SORCS1: variants seen among roughly 807,000 people sequenced by gnomAD.
SORCS1 encodes the protein sortilin related VPS10 domain containing receptor 1.
In SORCS1, 60 loss-of-function variants were observed where a neutral mutation model predicts 146.1. The ratio of observed to expected loss-of-function variants is 0.41; its 90% CI spans 0.33 to 0.51. The LOEUF (loss-of-function observed/expected upper bound fraction) is 0.51, where lower values mean the gene tolerates loss of function less well. SORCS1 is among the 20% of genes least tolerant of loss of function. The pLI, the probability that SORCS1 is intolerant of heterozygous loss-of-function variation, is 0.21. For synonymous variants in SORCS1, 637 were observed against 584.0 expected, an observed-to-expected ratio of 1.09 and a Z score of -1.31; for missense variants, 1,352 against 1,487.6, an observed-to-expected ratio of 0.91 and a Z score of 1.50.
At chr10:106,963,155 G>C (rs1326434238) in intron 1 of SORCS1, among the ~76,000 whole-genome samples, 1 of 95,844 alleles carries the variant, frequency 1.0e-5, no homozygotes, top group Non-Finnish European at 2.0e-5. Flanking sequence ...TTGCTCTGTC[G>C]CCCAGGCTGG....
intron 23 of SORCS1, among the ~76,000 whole-genome samples, chr10:106,598,236 ATATTATTATTATTATTATTATTAT>A (rs10579142): frequency 7.1e-6 from 1 of 140,492 alleles, no homozygotes; most frequent in African/African-American, 2.6e-5. Context: ...CACTCCTATT[ATATTATTATTATTATTATTATTAT>A]TATTATTATT....
rs754142506 is a variant in SORCS1, at chr10:106,709,419, T to C, written c.1025-78A>G. 7.0e-5 allele frequency: 54 copies of C among 771,976 alleles called. 1 individual carries two copies. Among genetic ancestry groups the C allele is most frequent in the Non-Finnish European group, 1.1e-4 (51 of 474,698 alleles). 47.8% of individuals were successfully genotyped at this position (771,976 alleles called of 1,614,324 possible). A position where few individuals can be genotyped will look rare whatever the true frequency, so the allele number is the denominator to read the frequency against. On this transcript the variant is annotated intron_variant, in intron 6 of 25. Transcript: ENST00000263054. ...AGAGATTTACAGTCAGGGTGGACGT[T>C]TGATATTTCCCTTACCATTTCCAAT... is the stretch of plus-strand genomic sequence containing the variant.
intron 2 of SORCS1, among the ~76,000 whole-genome samples, chr10:106,879,696 G>C (rs967549819): frequency 4.6e-5 from 7 of 152,224 alleles, no homozygotes; most frequent in African/African-American, 1.7e-4. Flanking sequence ...TGAAGATGGA[G>C]AGGGCCAAGT....
intron 2 of SORCS1, among the ~76,000 whole-genome samples, chr10:106,927,449 A>C (rs966377889): frequency 1.3e-4 from 20 of 152,150 alleles, no homozygotes; most frequent in African/African-American, 4.6e-4. Flanking sequence ...TCATAAAGGC[A>C]GTGTGGACCC....
At chr10:106,859,465 C>T (rs1444956186) in intron 2 of SORCS1, among the ~76,000 whole-genome samples, 1 of 152,182 alleles carries the variant, frequency 6.6e-6, no homozygotes, top group African/African-American at 2.4e-5. Context: ...GCGATGTTGG[C>T]TCACTGCAAG....
At position 106,935,688 on chromosome 10, in the gene SORCS1, G is replaced by A. The variant is rs1182719875; in HGVS notation, c.626+20825C>T. On this transcript the variant is annotated intron_variant, in intron 2 of 25. Coordinates refer to ENST00000263054, the MANE Select transcript of SORCS1 (RefSeq NM_052918.5). ...AAATTCTTTTTCTTAAAAATGAGAA[G>A]ACCAAGATTCTATGAAATAAAACAA... 3.9e-5 allele frequency among the ~76,000 whole-genome samples: 6 copies of A among 152,300 alleles called. No homozygotes were observed. In the South Asian group the frequency reaches 8.3e-4, roughly 21 times the overall value.
the SORCS1 span, among the ~76,000 whole-genome samples, chr10:107,177,754 A>C: frequency 4.6e-5 from 7 of 152,214 alleles, no homozygotes; most frequent in African/African-American, 1.7e-4. Flanking sequence ...CATTTTGAAT[A>C]TTCTCTTCTA....
At chr10:106,836,440 A>T (rs945240456) in intron 2 of SORCS1, among the ~76,000 whole-genome samples, 24 of 141,264 alleles carry the variant, frequency 1.7e-4, no homozygotes, top group African/African-American at 6.1e-4. Context: ...GCGCCACTGC[A>T]CTCCAGCCTG....
chr10:106,689,394 C>T (rs1853125198), intron 9 of SORCS1, among the ~76,000 whole-genome samples: 1 of 152,108 alleles, frequency 6.6e-6, no homozygotes, highest in African/African-American at 2.4e-5. Flanking sequence ...TGTACATTAC[C>T]TCATTTAATA....
At chr10:107,014,278 G>GAAAAAGA (rs1564927011) in intron 1 of SORCS1, among the ~76,000 whole-genome samples, 22 of 138,280 alleles carry the variant, frequency 1.6e-4, no homozygotes, top group African/African-American at 5.7e-4. Context: ...AAAAAGAAAA[G>GAAAAAGA]AAAAAAAGAG....
At chr10:107,135,774 T>C (rs1370930230) in intron 1 of SORCS1, among the ~76,000 whole-genome samples, 1 of 152,160 alleles carries the variant, frequency 6.6e-6, no homozygotes, top group African/African-American at 2.4e-5. Context: ...GCCTGGCCAG[T>C]AGGAGACCCA....
At chr10:106,937,819 C>A (rs565125891) in intron 2 of SORCS1, among the ~76,000 whole-genome samples, 12 of 151,902 alleles carry the variant, frequency 7.9e-5, no homozygotes, top group Non-Finnish European at 1.6e-4. Context: ...CAAAAATTAG[C>A]CGGACATGGT....
chr10:106,737,180 G>A (rs962645626), intron 5 of SORCS1, among the ~76,000 whole-genome samples: 14 of 151,950 alleles, frequency 9.2e-5, no homozygotes, highest in African/African-American at 3.1e-4. Context: ...TTGAGCAAAG[G>A]GCTTGGTAAA....
intron 2 of SORCS1, among the ~76,000 whole-genome samples, chr10:106,908,317 G>A (rs1040045349): frequency 1.2e-4 from 19 of 152,178 alleles, no homozygotes; most frequent in Non-Finnish European, 1.0e-4. Context: ...CGGGTTAGGA[G>A]TTTTTACCAT....
At chr10:106,833,786 A>G (rs1257636808) in intron 2 of SORCS1, among the ~76,000 whole-genome samples, 1 of 49,928 alleles carries the variant, frequency 2.0e-5, no homozygotes, top group Non-Finnish European at 4.2e-5. Context: ...TTCTTTTGTT[A>G]TTATTATTAT....
chr10:106,833,019 G>A (rs1466708055), intron 2 of SORCS1, among the ~76,000 whole-genome samples: 1 of 152,172 alleles, frequency 6.6e-6, no homozygotes, highest in African/African-American at 2.4e-5. Context: ...GTTTGTGTGG[G>A]TGGGTGAGTG....
intron 19 of SORCS1, among the ~76,000 whole-genome samples, chr10:106,628,450 T>G (rs1459140210): frequency 6.6e-6 from 1 of 152,164 alleles, no homozygotes; most frequent in Non-Finnish European, 1.5e-5. Flanking sequence ...AGGAAACAAT[T>G]TCTTTAGTAA....
At position 107,013,834 on chromosome 10, in the gene SORCS1, G is replaced by A. The variant is rs552970804; in HGVS notation, c.559-57254C>T. Reference sequence around the variant, plus strand: ...ATTTTGTTTCTAACAAGCTTATCATGGTTTAAAAGGTCTGTAAAAATGAGT... The same window carrying A: ...ATTTTGTTTCTAACAAGCTTATCATAGTTTAAAAGGTCTGTAAAAATGAGT... On this transcript the variant is annotated intron_variant, in intron 1 of 25. Transcript: ENST00000263054. 2.0e-5 allele frequency among the ~76,000 whole-genome samples: 3 copies of A among 152,224 alleles called. No homozygotes were observed. The South Asian group carries it at 6.2e-4, about 32-fold the overall frequency.
At chr10:106,789,895 C>G (rs1024377548) in intron 3 of SORCS1, among the ~76,000 whole-genome samples, 1 of 152,196 alleles carries the variant, frequency 6.6e-6, no homozygotes, top group African/African-American at 2.4e-5. Context: ...GGGGAGGCCA[C>G]AGGAAACTGA....
Sources: gnomAD v4.1 joint callset for allele counts (sites outside exome capture counted in the v4.1 genomes callset) on GRCh38, gnomAD v4.1.1 for gene constraint, MANE v1.5 for transcripts, NCBI Gene and HGNC (gene_info 2026-07-23, HGNC 2026-07-21) for gene names.